The following SLC71A2 variants were observed in gnomAD, a reference collection of about 807,000 sequenced individuals.
The protein encoded by SLC71A2 is hippocampus abundant transcript-like 1.
the SLC71A2 span, among the ~76,000 whole-genome samples, chr9:94,417,568 A>C: frequency 6.6e-6 from 1 of 152,178 alleles, no homozygotes; most frequent in Non-Finnish European, 1.5e-5. Flanking sequence ...TGGAGGTTAC[A>C]GTGAGCCAAG....
the SLC71A2 span, among the ~76,000 whole-genome samples, chr9:94,417,852 CA>C: frequency 0.056 from 2,143 of 38,430 alleles, 5 homozygotes; most frequent in Non-Finnish European, 0.087. Flanking sequence ...GGCAAGTTCC[CA>C]CCCCACCCCC....
chr9:94,458,337 T>C, the SLC71A2 span: 11 of 1,608,386 alleles, frequency 6.8e-6, no homozygotes, highest in Non-Finnish European at 1.7e-6. Flanking sequence ...GCCCAGGGGA[T>C]CATAACTGGA....
At chr9:94,390,130 C>A in the SLC71A2 span, among the ~76,000 whole-genome samples, 2 of 152,114 alleles carry the variant, frequency 1.3e-5, no homozygotes, top group Admixed American at 6.5e-5. Flanking sequence ...AGGAGAATGG[C>A]GTGAACCCAG....
chr9:94,421,228 T>C, the SLC71A2 span, among the ~76,000 whole-genome samples: 1 of 151,948 alleles, frequency 6.6e-6, no homozygotes, highest in Non-Finnish European at 1.5e-5. Context: ...AGATACCTTT[T>C]TGTGTAAGCT....
the SLC71A2 span, among the ~76,000 whole-genome samples, chr9:94,436,411 CCTTA>C: frequency 2.0e-5 from 3 of 152,198 alleles, no homozygotes; most frequent in Non-Finnish European, 4.4e-5. Flanking sequence ...CATTGAGACA[CCTTA>C]CTAAGAATTG....
the SLC71A2 span, among the ~76,000 whole-genome samples, chr9:94,375,460 T>C: frequency 6.6e-6 from 1 of 151,770 alleles, no homozygotes; most frequent in Non-Finnish European, 1.5e-5. Context: ...TTACTTTTGC[T>C]TGAGGTCGAG....
chr9:94,459,754 A>C, the SLC71A2 span: 1 of 227,286 alleles, frequency 4.4e-6, no homozygotes, highest in Non-Finnish European at 8.8e-6. Flanking sequence ...GAGTGGCAGC[A>C]ATCTTTCCAT....
At chr9:94,426,662 T>C in the SLC71A2 span, among the ~76,000 whole-genome samples, 1 of 152,222 alleles carries the variant, frequency 6.6e-6, no homozygotes, top group East Asian at 1.9e-4. Context: ...GGAAGACAGT[T>C]CATTTCTTAA....
At chr9:94,398,481 A>T in the SLC71A2 span, among the ~76,000 whole-genome samples, 8 of 152,162 alleles carry the variant, frequency 5.3e-5, no homozygotes, top group Non-Finnish European at 4.4e-5. Flanking sequence ...TTGGTCCATA[A>T]CTAAGGTCTG....
the SLC71A2 span, among the ~76,000 whole-genome samples, chr9:94,441,377 G>A: frequency 6.6e-6 from 1 of 152,124 alleles, no homozygotes; most frequent in African/African-American, 2.4e-5. Flanking sequence ...ACTGGAGCAG[G>A]AGGAAGAGAG....
the SLC71A2 span, among the ~76,000 whole-genome samples, chr9:94,383,159 A>ATT: frequency 3.3e-5 from 3 of 91,696 alleles, no homozygotes; most frequent in Admixed American, 1.0e-4. Context: ...TAGCTTTTAC[A>ATT]TCTTTTTTTT....
chr9:94,405,614 C>T, the SLC71A2 span, among the ~76,000 whole-genome samples: 1 of 151,994 alleles, frequency 6.6e-6, no homozygotes, highest in Non-Finnish European at 1.5e-5. Context: ...AATACAGGCA[C>T]ACACCACCAT....
chr9:94,448,674 C>G, the SLC71A2 span, among the ~76,000 whole-genome samples: 1 of 152,134 alleles, frequency 6.6e-6, no homozygotes, highest in African/African-American at 2.4e-5. Context: ...GCTCTGTTGC[C>G]CAGGCTGGAG....
chr9:94,419,612 T>C, the SLC71A2 span, among the ~76,000 whole-genome samples: 1 of 152,162 alleles, frequency 6.6e-6, no homozygotes, highest in African/African-American at 2.4e-5. Flanking sequence ...GCCTTTTGTT[T>C]TTATTTTAGA....
At chr9:94,442,203 A>G in the SLC71A2 span, among the ~76,000 whole-genome samples, 1 of 152,210 alleles carries the variant, frequency 6.6e-6, no homozygotes, top group African/African-American at 2.4e-5. Context: ...GGTCTTTTAA[A>G]TCTACTTCCT....
At chr9:94,386,752 A>ATC in the SLC71A2 span, among the ~76,000 whole-genome samples, 2 of 152,116 alleles carry the variant, frequency 1.3e-5, no homozygotes, top group Non-Finnish European at 2.9e-5. Context: ...AGTACAGCAC[A>ATC]TCTTTTCTTT....
At chr9:94,407,857 G>A in the SLC71A2 span, among the ~76,000 whole-genome samples, 2 of 152,116 alleles carry the variant, frequency 1.3e-5, no homozygotes, top group African/African-American at 2.4e-5. Context: ...TAAGTTACAC[G>A]TCACATTCTG....
the SLC71A2 span, among the ~76,000 whole-genome samples, chr9:94,426,701 TAAGC>T: frequency 1.3e-5 from 2 of 152,242 alleles, no homozygotes; most frequent in East Asian, 1.9e-4. Context: ...TTAAAAGTGA[TAAGC>T]AAGTGTCATT....
At chr9:94,413,523 T>C in the SLC71A2 span, among the ~76,000 whole-genome samples, 1 of 151,954 alleles carries the variant, frequency 6.6e-6, no homozygotes, top group East Asian at 1.9e-4. Context: ...ATTCATACAA[T>C]GAGATACTGA....
Sources: allele counts gnomAD v4.1 joint callset (sites outside exome capture counted in the v4.1 genomes callset), GRCh38; gene constraint gnomAD v4.1.1; transcripts MANE v1.5; gene names NCBI Gene and HGNC (gene_info 2026-07-23, HGNC 2026-07-21).